SLC17A5: variants seen among roughly 807,000 people sequenced by gnomAD.
SLC17A5 encodes solute carrier family 17 member 5.
A neutral mutation model predicts 59.4 loss-of-function variants in SLC17A5; 47 were observed. The observed-to-expected ratio is 0.79, with a 90% CI of 0.63 to 1.01. The LOEUF (loss-of-function observed/expected upper bound fraction) is 1.01. Among genes scored for constraint, SLC17A5 ranks in the 50% least tolerant of loss-of-function variants. The probability of loss-of-function intolerance (pLI) is 0.00; values close to 1 mark genes in which losing one functional copy is unlikely to be tolerated. For synonymous variants in SLC17A5, 202 were observed against 210.7 expected (o/e 0.96, Z 0.36); for missense variants, 522 against 595.5 (o/e 0.88, Z 1.28).
chr6:73,600,010 G>A (rs1401755311), intron 10 of SLC17A5, among the ~76,000 whole-genome samples: 1 of 152,116 alleles, frequency 6.6e-6, no homozygotes, highest in Non-Finnish European at 1.5e-5. Context: ...TGGTGAGGCT[G>A]GTATTGAACT....
chr6:73,606,570 G>A (rs1212756335), intron 9 of SLC17A5, among the ~76,000 whole-genome samples: 1 of 151,964 alleles, frequency 6.6e-6, no homozygotes, highest in Non-Finnish European at 1.5e-5. Context: ...TCTTTAAGAT[G>A]TAGACTTCAA....
At chr6:73,629,159 A>G (rs1768573318) in intron 6 of SLC17A5, among the ~76,000 whole-genome samples, 1 of 151,990 alleles carries the variant, frequency 6.6e-6, no homozygotes, top group Admixed American at 6.6e-5. Flanking sequence ...AGGCTGAGGC[A>G]GGCAGATCAC....
chr6:73,639,915 G>A (rs543836931), intron 3 of SLC17A5, among the ~76,000 whole-genome samples: 3 of 152,114 alleles, frequency 2.0e-5, no homozygotes, highest in East Asian at 1.9e-4. Context: ...GCATGGTGGC[G>A]CATGCCTGTA....
At chr6:73,624,488 TTC>T (rs1205604633) in intron 6 of SLC17A5, among the ~76,000 whole-genome samples, 2 of 152,238 alleles carry the variant, frequency 1.3e-5, no homozygotes, top group Non-Finnish European at 2.9e-5. Context: ...TTTATGTATA[TTC>T]TGTTTATTTC....
At chr6:73,609,395 T>C (rs1327620556) in intron 9 of SLC17A5, among the ~76,000 whole-genome samples, 2 of 152,228 alleles carry the variant, frequency 1.3e-5, no homozygotes, top group Non-Finnish European at 2.9e-5. Flanking sequence ...TTAACTTCTC[T>C]TAAGTTTCTT....
At chr6:73,640,040 C>A (rs999130186) in intron 3 of SLC17A5, among the ~76,000 whole-genome samples, 1 of 151,986 alleles carries the variant, frequency 6.6e-6, no homozygotes, top group South Asian at 2.1e-4. Context: ...AGTGAGACTC[C>A]GTCTCAAAGA....
chr6:73,602,482 CATT>C lies in SLC17A5; in HGVS notation c.1260-2044_1260-2042del, dbSNP rs534315183. Among the ~76,000 whole-genome samples, 265 of 151,646 alleles carry C rather than the reference CATT, an allele frequency of 1.7e-3. 1 individual carries two copies. The highest frequency in any genetic ancestry group is 6.0e-3 in the African/African-American group (249 of 41,324). On this transcript the variant is annotated intron_variant, in intron 9 of 10. Coordinates refer to ENST00000355773, the MANE Select transcript of SLC17A5 (RefSeq NM_012434.5). ...CAACAACAACAACAAAAAACATTAA[CATT>C]AGAGGAAGGCTGGGCGCGGTGGCTC...
intron 9 of SLC17A5, among the ~76,000 whole-genome samples, chr6:73,602,582 G>A (rs1348422946): frequency 2.6e-5 from 4 of 152,138 alleles, no homozygotes; most frequent in Admixed American, 2.6e-4. Flanking sequence ...AGACCATGCT[G>A]GCTAACATGG....
chr6:73,618,529 C>T (rs62438456), intron 7 of SLC17A5: 91,570 of 511,860 alleles, frequency 0.18, 9,321 homozygotes, highest in Non-Finnish European at 0.21. Flanking sequence ...CTCTACTGTC[C>T]TCTGCCAGCC....
At chr6:73,623,660 A>ATTTT (rs765944142) in intron 6 of SLC17A5, among the ~76,000 whole-genome samples, 47 of 137,210 alleles carry the variant, frequency 3.4e-4, no homozygotes, top group Admixed American at 3.0e-3. Context: ...AGTGTCTTTT[A>ATTTT]TTTTTATTTA....
At chr6:73,629,618 CA>C (rs1393037768) in intron 6 of SLC17A5, among the ~76,000 whole-genome samples, 10 of 151,656 alleles carry the variant, frequency 6.6e-5, no homozygotes, top group African/African-American at 1.9e-4. Flanking sequence ...ACTAAAAATA[CA>C]AAAAAATTAG....
intron 10 of SLC17A5, 51 bp from the exon 11 acceptor site, chr6:73,595,265 C>G (rs767775734): frequency 6.3e-7 from 1 of 1,597,858 alleles, no homozygotes; most frequent in Non-Finnish European, 8.6e-7. Context: ...GTGTGTAGTT[C>G]ACTTCATTAA....
At chr6:73,640,183 T>C (rs1161273197) in intron 3 of SLC17A5, among the ~76,000 whole-genome samples, 6 of 152,218 alleles carry the variant, frequency 3.9e-5, no homozygotes, top group African/African-American at 9.6e-5. Context: ...AGCAAGGAGA[T>C]TGAATACTAG....
intron 7 of SLC17A5, 52 bp downstream of exon 7, chr6:73,621,752 G>T: frequency 7.2e-7 from 1 of 1,396,774 alleles, no homozygotes; most frequent in Non-Finnish European, 1.0e-6. Context: ...AACAAATTCT[G>T]TGTATGGTCT....
chr6:73,633,874 C>T (rs1046982565), intron 6 of SLC17A5, among the ~76,000 whole-genome samples: 14 of 149,802 alleles, frequency 9.3e-5, no homozygotes, highest in Non-Finnish European at 1.3e-4. Context: ...AGCGAAACTC[C>T]GTCTAAAAAA....
chr6:73,640,105 A>G (rs1769211257), intron 3 of SLC17A5, among the ~76,000 whole-genome samples: 1 of 152,208 alleles, frequency 6.6e-6, no homozygotes, highest in African/African-American at 2.4e-5. Context: ...TAACAGTGGT[A>G]ATATGATCAA....
intron 7 of SLC17A5, chr6:73,618,234 AAAATAAAATG>A (rs1293876777): frequency 7.5e-6 from 1 of 133,394 alleles, no homozygotes; most frequent in Non-Finnish European, 1.6e-5. Context: ...GTCTTAAAAT[AAAATAAAATG>A]AAATAAAATA....
rs34409077 is a variant in SLC17A5 at position 73,635,742 on chromosome 6, C to CTTT, written c.701-245_701-243dup. ...TGCTTATACATTTTGAAGAAAACAA[C>CTTT]TTTTTTTTTTTTTTTTGAGATAGAG... On this transcript the variant is annotated intron_variant, in intron 5 of 10. Transcript: ENST00000355773. Among the ~76,000 whole-genome samples the CTTT allele has an allele frequency of 7.0e-5, 10 of 142,360 alleles. 1 individual carries two copies. Among genetic ancestry groups the CTTT allele is most frequent in the Non-Finnish European group, 4.6e-5 (3 of 64,952 alleles). The allele number at this position is 142,360 out of a possible 152,430, so 93.4% of individuals were successfully genotyped here. A position where few individuals can be genotyped will look rare whatever the true frequency, so the allele number is the denominator to read the frequency against.
chr6:73,634,945 CTT>C (rs1252990954), intron 6 of SLC17A5, among the ~76,000 whole-genome samples: 4 of 152,052 alleles, frequency 2.6e-5, no homozygotes, highest in African/African-American at 7.2e-5. Flanking sequence ...AAAAAACAAA[CTT>C]AAGACTCATT....
Sources: allele counts gnomAD v4.1 joint callset (sites outside exome capture counted in the v4.1 genomes callset), GRCh38; gene constraint gnomAD v4.1.1; transcripts MANE v1.5; gene names NCBI Gene and HGNC (gene_info 2026-07-23, HGNC 2026-07-21).